Variants in KDM2B observed in about 807,000 individuals in gnomAD.
KDM2B encodes lysine demethylase 2B, also known as lysine-specific demethylase 2B.
A neutral mutation model predicts 150.0 loss-of-function variants in KDM2B; 26 were observed. That is an observed-to-expected ratio of 0.17 (90% CI 0.13 to 0.24). KDM2B has a LOEUF of 0.24. KDM2B is among the 10% of genes least tolerant of loss of function. The probability of loss-of-function intolerance (pLI) is 1.00; values close to 1 mark genes in which losing one functional copy is unlikely to be tolerated. For missense variants in KDM2B, 1,265 were observed against 1,816.9 expected (o/e 0.70, Z 5.52); for synonymous variants, 734 against 729.5 (o/e 1.01, Z -0.10).
chr12:121,543,460 A>C (rs552720132), intron 6 of KDM2B, among the ~76,000 whole-genome samples: 1 of 152,022 alleles, frequency 6.6e-6, no homozygotes, highest in East Asian at 1.9e-4. Flanking sequence ...CAGGAGTTCA[A>C]GACCAGCCTG....
rs1877751442 is a variant in KDM2B, at chr12:121,453,801, AGAG to A, written c.1735-460_1735-458del. Among the ~76,000 whole-genome samples, 1 of 152,040 alleles carries A rather than the reference AGAG, an allele frequency of 6.6e-6. No individual in the cohort carries two copies. On this transcript the variant is annotated intron_variant, in intron 12 of 22. Transcript: ENST00000377071. The surrounding 1 kb of genome is among the most constrained non-coding windows in gnomAD (Gnocchi z 6.4). ...CAGACTCCTGGCCTCCAGAACCGGG[AGAG>A]AAGAAAGGCCGGTTGTTTTAAGCCA...
In KDM2B at chr12:121,452,515, C is replaced by G. The variant is rs537607611; in HGVS notation, c.1959+605G>C. On this transcript the variant is annotated intron_variant, in intron 13 of 22. Coordinates refer to ENST00000377071, the MANE Select transcript of KDM2B (RefSeq NM_032590.5). This position sits in a 1 kb window ranked among gnomAD's most constrained non-coding sequence, Gnocchi z 4.4. ...CTCCACAGGGAGGACCGCCGGCCCCCGGGGAGCAGCGCCCTGAGGAAGGCA... is the reference window on the plus strand; with the variant it reads ...CTCCACAGGGAGGACCGCCGGCCCCGGGGGAGCAGCGCCCTGAGGAAGGCA... Among the ~76,000 whole-genome samples the G allele has an allele frequency of 3.9e-5, 6 of 152,340 alleles. No homozygotes were observed. The East Asian group carries it at 1.2e-3, about 29-fold the overall frequency.
In KDM2B at chr12:121,442,869, G is replaced by A; in HGVS notation, c.2605-33C>T. Reference sequence around the variant, plus strand: ...CGAGAGCGGAGACGCGTCAGCCTCTGGGGCTCAGGGCTGCGCCCGCCCAAG... The same window carrying A: ...CGAGAGCGGAGACGCGTCAGCCTCTAGGGCTCAGGGCTGCGCCCGCCCAAG... On this transcript the variant is annotated intron_variant, in intron 18 of 22. Coordinates refer to ENST00000377071, the MANE Select transcript of KDM2B (RefSeq NM_032590.5). The surrounding 1 kb of genome is among the most constrained non-coding windows in gnomAD (Gnocchi z 7.7). 2 of 1,524,172 alleles carry A rather than the reference G, an allele frequency of 1.3e-6. No individual in the cohort carries two copies. Among genetic ancestry groups the A allele is most frequent in the Non-Finnish European group, 1.8e-6 (2 of 1,140,868 alleles). The allele number at this position is 1,524,172 out of a possible 1,614,324, so 94.4% of individuals were successfully genotyped here. A position where few individuals can be genotyped will look rare whatever the true frequency, so the allele number is the denominator to read the frequency against.
chr12:121,551,753 A>G (rs1889518270), intron 4 of KDM2B, among the ~76,000 whole-genome samples: 1 of 151,936 alleles, frequency 6.6e-6, no homozygotes, highest in Admixed American at 6.6e-5. Context: ...GAGTTTCGCC[A>G]TATTGGCCAG....
intron 22 of KDM2B, among the ~76,000 whole-genome samples, chr12:121,436,761 G>A (rs1405390725): frequency 6.6e-6 from 1 of 152,144 alleles, no homozygotes; most frequent in East Asian, 1.9e-4. Flanking sequence ...ACTCAAACCT[G>A]TTTGTCATCA....
At chr12:121,415,487 G>A in the KDM2B span, among the ~76,000 whole-genome samples, 1 of 151,670 alleles carries the variant, frequency 6.6e-6, no homozygotes, top group East Asian at 2.0e-4. Context: ...TGTGTGGCGT[G>A]TGCCTGTAAT....
intron 12 of KDM2B, among the ~76,000 whole-genome samples, chr12:121,485,845 C>T (rs1202274339): frequency 4.6e-5 from 7 of 151,538 alleles, no homozygotes; most frequent in Middle Eastern, 3.4e-3. Flanking sequence ...GGCGTGATCT[C>T]GGCTCATTGC....
Position 121,429,929 on chromosome 12 carries a change from G to T in KDM2B, c.*359C>A. On this transcript the variant is annotated 3_prime_UTR_variant, in exon 23 of 23. Coordinates refer to ENST00000377071, the MANE Select transcript of KDM2B (RefSeq NM_032590.5). ...TGTCAACACCCAAAACCTCGGTGTT[G>T]CAAGGAATGAAGTGTCCAAAACACC... The T allele has an allele frequency of 1.6e-6, 1 of 627,256 alleles. No individual in the cohort carries two copies. Among genetic ancestry groups the T allele is most frequent in the Non-Finnish European group, 2.9e-6 (1 of 348,658 alleles). 38.9% of individuals were successfully genotyped at this position (627,256 alleles called of 1,614,324 possible).
intron 10 of KDM2B, among the ~76,000 whole-genome samples, chr12:121,512,991 G>A (rs1241756724): frequency 1.3e-5 from 2 of 152,252 alleles, no homozygotes; most frequent in African/African-American, 2.4e-5. Context: ...GGGTGATCCC[G>A]TTTTAGCAGC....
chr12:121,563,721 C>G (rs1338088897), intron 4 of KDM2B, among the ~76,000 whole-genome samples: 15 of 151,790 alleles, frequency 9.9e-5, no homozygotes, highest in African/African-American at 3.6e-4. Context: ...GAGTTTGAGA[C>G]CAGCCTGGCC....
chr12:121,550,309 C>CAAAA (rs782618970), intron 4 of KDM2B, among the ~76,000 whole-genome samples: 1 of 107,088 alleles, frequency 9.3e-6, no homozygotes, highest in Non-Finnish European at 2.0e-5. Flanking sequence ...GACTTTGTCT[C>CAAAA]AAAAAAAAAA....
chr12:121,555,724 T>C (rs191055504), intron 4 of KDM2B, among the ~76,000 whole-genome samples: 4 of 152,284 alleles, frequency 2.6e-5, no homozygotes, highest in Admixed American at 2.6e-4. Context: ...TTGGATATTT[T>C]TCCCCCCCAA....
At position 121,534,547 on chromosome 12, in the gene KDM2B, T is replaced by G; in HGVS notation, c.727A>C (p.Ile243Leu). ...CAAACGGAAGTGCCTCCAAAGTCGA[T>G]GTGGAAGTCGGTGAAACAACCTTTC... ...SVKGCFTDFH[I>L]DFGGTSVWYH... Residue 243 changes from isoleucine (I) to leucine (L), a missense_variant, in exon 7 of 23, where the codon ATC becomes CTC. Physicochemically the swap from Ile to Leu is conservative, Grantham distance 5. Coordinates refer to ENST00000377071, the MANE Select transcript of KDM2B (RefSeq NM_032590.5). 1 of 1,614,052 alleles carries G rather than the reference T, an allele frequency of 6.2e-7. No individual in the cohort carries two copies. The highest frequency in any genetic ancestry group is 8.5e-7 in the Non-Finnish European group (1 of 1,179,988).
chr12:121,489,338 T>C (rs1883114699), intron 12 of KDM2B, among the ~76,000 whole-genome samples: 1 of 151,792 alleles, frequency 6.6e-6, no homozygotes, highest in Non-Finnish European at 1.5e-5. Flanking sequence ...GGAGTGATCA[T>C]AGGTCACTGC....
At chr12:121,502,038 G>A (rs1555302074) in intron 11 of KDM2B, among the ~76,000 whole-genome samples, 1 of 152,120 alleles carries the variant, frequency 6.6e-6, no homozygotes, top group East Asian at 1.9e-4. Context: ...GTGTTCCAGG[G>A]TCGGGAACTG....
chr12:121,577,185 C>G (rs966226532), intron 2 of KDM2B, among the ~76,000 whole-genome samples: 5 of 152,114 alleles, frequency 3.3e-5, no homozygotes, highest in African/African-American at 4.8e-5. Context: ...TTAGCTCTCC[C>G]TGGCTGGAAT....
At chr12:121,580,043 C>G (rs1891841412) in intron 1 of KDM2B, 2 of 1,462,122 alleles carry the variant, frequency 1.4e-6, no homozygotes, top group African/African-American at 1.5e-5. Flanking sequence ...GAGTCTTTCT[C>G]TGCCTCCATT....
intron 6 of KDM2B, among the ~76,000 whole-genome samples, chr12:121,544,777 G>A (rs892052412): frequency 6.7e-6 from 1 of 150,084 alleles, no homozygotes; most frequent in African/African-American, 2.5e-5. Flanking sequence ...GCTGGGTGTG[G>A]TGGTGGGTGC....
chr12:121,437,117 A>AG (rs1874138009), intron 22 of KDM2B, among the ~76,000 whole-genome samples: 1 of 151,790 alleles, frequency 6.6e-6, no homozygotes, highest in African/African-American at 2.4e-5. Context: ...GGATGGCAGC[A>AG]GTGGGGCGGG....
Sources: gnomAD v4.1 joint callset for allele counts (sites outside exome capture counted in the v4.1 genomes callset) on GRCh38, gnomAD v4.1.1 for gene constraint, Gnocchi (gnomAD v3.1) non-coding constraint, MANE v1.5 for transcripts, NCBI Gene and HGNC (gene_info 2026-07-23, HGNC 2026-07-21) for gene names.